FGGY: variants seen among roughly 807,000 people sequenced by gnomAD.
FGGY encodes the protein FGGY carbohydrate kinase domain-containing protein.
Under a neutral mutation model 71.3 loss-of-function variants are expected in FGGY, and 72 were observed. That is an observed-to-expected ratio of 1.01 (90% CI 0.84 to 1.23). The LOEUF is 1.23. Among genes scored for constraint, FGGY ranks in the 50% most tolerant of loss-of-function variants. FGGY has a pLI of 0.00. For synonymous variants in FGGY, 251 were observed against 250.3 expected, an observed-to-expected ratio of 1.00 and a Z score of -0.02; for missense variants, 668 against 682.3, an observed-to-expected ratio of 0.98 and a Z score of 0.23.
At chr1:59,689,458 A>G (rs757484534) in intron 14 of FGGY, among the ~76,000 whole-genome samples, 1 of 152,208 alleles carries the variant, frequency 6.6e-6, no homozygotes, top group Non-Finnish European at 1.5e-5. Flanking sequence ...AAACAGATCA[A>G]TTAGGAATTT....
chr1:59,442,013 C>G (rs1274092863), intron 5 of FGGY, among the ~76,000 whole-genome samples: 1 of 152,146 alleles, frequency 6.6e-6, no homozygotes, highest in African/African-American at 2.4e-5. Context: ...TTAATATTCC[C>G]AGGTAGAGTT....
intron 14 of FGGY, among the ~76,000 whole-genome samples, chr1:59,732,743 C>A (rs552340882): frequency 6.6e-6 from 1 of 152,140 alleles, no homozygotes; most frequent in African/African-American, 2.4e-5. Context: ...CTGTCGCCCC[C>A]ACCTAGACCA....
intron 1 of FGGY, among the ~76,000 whole-genome samples, chr1:59,299,499 C>T (rs987128192): frequency 5.9e-5 from 9 of 152,082 alleles, no homozygotes; most frequent in Admixed American, 1.3e-4. Flanking sequence ...AGGTGAGAGA[C>T]GTGTTAGGGT....
intron 5 of FGGY, among the ~76,000 whole-genome samples, chr1:59,399,570 A>C (rs548599886): frequency 1.2e-4 from 18 of 152,264 alleles, no homozygotes; most frequent in African/African-American, 4.3e-4. Context: ...ATCATTTGTA[A>C]TAGGGATGAC....
intron 6 of FGGY, among the ~76,000 whole-genome samples, chr1:59,464,241 T>C (rs565756038): frequency 1.3e-5 from 2 of 152,330 alleles, no homozygotes; most frequent in African/African-American, 4.8e-5. Flanking sequence ...ACGTGGAAAG[T>C]GAACAACCTG....
chr1:59,680,784 C>T (rs950085363), intron 14 of FGGY: 1 of 152,174 alleles, frequency 6.6e-6, no homozygotes, highest in Non-Finnish European at 1.5e-5. Flanking sequence ...GATGAGGACT[C>T]TGAAGCTCAG....
At chr1:59,515,925 T>C (rs2094635299) in intron 7 of FGGY, among the ~76,000 whole-genome samples, 1 of 152,200 alleles carries the variant, frequency 6.6e-6, no homozygotes, top group Non-Finnish European at 1.5e-5. Flanking sequence ...AGAATAGTTT[T>C]TTTTTGTTTT....
At chr1:59,349,312 C>T (rs2052766218) in intron 4 of FGGY, among the ~76,000 whole-genome samples, 1 of 152,102 alleles carries the variant, frequency 6.6e-6, no homozygotes, top group Non-Finnish European at 1.5e-5. Flanking sequence ...GTTGCTATAT[C>T]AACAAGTTTG....
At chr1:59,393,535 G>T (rs2060952299) in intron 5 of FGGY, among the ~76,000 whole-genome samples, 1 of 152,116 alleles carries the variant, frequency 6.6e-6, no homozygotes, top group South Asian at 2.1e-4. Flanking sequence ...GTGGTGATGT[G>T]GAAGAACGGG....
rs573336411 is a variant in FGGY, at chr1:59,640,702, A to C, written c.1221+2327A>C. On this transcript the variant is annotated intron_variant, in intron 11 of 15. Transcript: ENST00000303721. ...AGAGGTCATTTGTTGCCTTAGATAA[A>C]ACAAACATATGAAGAATTTAATAAT... Among the ~76,000 whole-genome samples, 342 of 151,152 alleles carry C rather than the reference A, an allele frequency of 2.3e-3. 29 individuals carry two copies. Among genetic ancestry groups the C allele is most frequent in the African/African-American group, 8.0e-3 (324 of 40,624 alleles).
chr1:59,374,088 A>G lies in FGGY; in HGVS notation c.466-4661A>G, dbSNP rs575964396. Reference sequence around the variant, plus strand: ...TAAACTAAAGAGCTTCTGCACAGCAAAAGAAACTACCATCAGAGTGAACAG... The same window carrying G: ...TAAACTAAAGAGCTTCTGCACAGCAGAAGAAACTACCATCAGAGTGAACAG... On this transcript the variant is annotated intron_variant, in intron 4 of 15. Transcript: ENST00000303721. Among the ~76,000 whole-genome samples, 12 of 152,352 alleles carry G rather than the reference A, an allele frequency of 7.9e-5. 1 individual carries two copies. In the East Asian group the frequency reaches 2.3e-3, roughly 29 times the overall value.
chr1:59,699,326 T>C (rs2097690706), intron 14 of FGGY: 10 of 984,948 alleles, frequency 1.0e-5, no homozygotes, highest in Non-Finnish European at 1.1e-5. Flanking sequence ...GTAGCTTCTG[T>C]ATTAAATGAT....
rs1428049140 is a variant in FGGY, at chr1:59,536,304, C to T, written c.800-17820C>T. On this transcript the variant is annotated intron_variant, in intron 7 of 15. Coordinates refer to ENST00000303721, the MANE Select transcript of FGGY (RefSeq NM_018291.5). ...GAAGAAGTTGAATCTCTGAATAGACCAATAACAGGCTCTGAAATTGTGTCA... is the reference window on the plus strand; with the variant it reads ...GAAGAAGTTGAATCTCTGAATAGACTAATAACAGGCTCTGAAATTGTGTCA... 5.9e-5 allele frequency among the ~76,000 whole-genome samples: 9 copies of T among 152,210 alleles called. No homozygotes were observed. The East Asian group carries it at 1.7e-3, about 29-fold the overall frequency.
chr1:59,674,052 C>A lies in FGGY; in HGVS notation c.1431C>A (p.Val477=). Residue 477 remains valine, a synonymous_variant, in exon 14 of 16, where the codon GTC becomes GTA. Transcript: ENST00000303721. ...TGTCCTGCGCAGGCATGCCTGTGGTCCTGTCGCAAGAGGTGGAGTCCGTTC... is the reference window on the plus strand; with the variant it reads ...TGTCCTGCGCAGGCATGCCTGTGGTACTGTCGCAAGAGGTGGAGTCCGTTC... The part of the protein sequence containing the change: ...MHADITGMPV[V]LSQEVESVLV... 6.2e-7 allele frequency: 1 copy of A among 1,613,694 alleles called. No individual in the cohort carries two copies. The highest frequency in any genetic ancestry group is 1.1e-5 in the South Asian group (1 of 90,972).
chr1:59,705,494 G>A (rs188319891), intron 14 of FGGY, among the ~76,000 whole-genome samples: 1 of 152,260 alleles, frequency 6.6e-6, no homozygotes, highest in Non-Finnish European at 1.5e-5. Flanking sequence ...AGGCTGGCAG[G>A]TCCCTGTGTT....
chr1:59,453,457 C>G (rs188477370), intron 5 of FGGY, among the ~76,000 whole-genome samples: 2 of 152,276 alleles, frequency 1.3e-5, no homozygotes, highest in East Asian at 3.9e-4. Flanking sequence ...TAGTTTAATA[C>G]AGTAATCATT....
intron 11 of FGGY, among the ~76,000 whole-genome samples, chr1:59,639,581 G>C (rs796513679): frequency 2.6e-4 from 39 of 152,230 alleles, no homozygotes; most frequent in African/African-American, 9.2e-4. Context: ...CTGTAAACAG[G>C]GGGTAGGGGA....
chr1:59,370,906 G>C (rs2057497147), intron 4 of FGGY, among the ~76,000 whole-genome samples: 1 of 152,160 alleles, frequency 6.6e-6, no homozygotes. Flanking sequence ...CCTGAAGGAA[G>C]CACTAAACAT....
intron 8 of FGGY, among the ~76,000 whole-genome samples, chr1:59,597,218 G>A (rs2096533134): frequency 1.3e-5 from 2 of 152,138 alleles, no homozygotes; most frequent in South Asian, 4.1e-4. Context: ...GCACAAGTGG[G>A]TTCTATTGGG....
Sources: allele counts gnomAD v4.1 joint callset (sites outside exome capture counted in the v4.1 genomes callset), GRCh38; gene constraint gnomAD v4.1.1; transcripts MANE v1.5; gene names NCBI Gene and HGNC (gene_info 2026-07-23, HGNC 2026-07-21).